Variants in ZFPM2 observed in about 807,000 individuals in gnomAD.
ZFPM2 encodes the protein zinc finger protein ZFPM2.
A neutral mutation model predicts 98.6 loss-of-function variants in ZFPM2; 20 were observed. That is an observed-to-expected ratio of 0.20 (90% CI 0.14 to 0.29). ZFPM2 has a LOEUF of 0.29. Ranked by LOEUF, ZFPM2 falls within the 10% of genes least tolerant of loss-of-function variation. The probability of loss-of-function intolerance (pLI) is 1.00; values close to 1 mark genes in which losing one functional copy is unlikely to be tolerated. For synonymous variants in ZFPM2, 518 were observed against 502.7 expected (o/e 1.03, Z -0.41); for missense variants, 1,310 against 1,388.6 (o/e 0.94, Z 0.90).
intron 4 of ZFPM2, among the ~76,000 whole-genome samples, chr8:105,615,856 A>C (rs1816403704): frequency 6.6e-6 from 1 of 152,150 alleles, no homozygotes; most frequent in African/African-American, 2.4e-5. Flanking sequence ...GTGAATTTCC[A>C]GATCATTTTA....
intron 5 of ZFPM2, among the ~76,000 whole-genome samples, chr8:105,711,875 A>G (rs73700135): frequency 0.059 from 9,037 of 151,960 alleles, 385 homozygotes; most frequent in East Asian, 0.18. Flanking sequence ...AAAAATCAAA[A>G]CTTTTATTAT....
rs147431007 is a variant in ZFPM2 at position 105,525,729 on chromosome 8, G to A, written c.302-35634G>A. On this transcript the variant is annotated intron_variant, in intron 3 of 7. Coordinates refer to ENST00000407775, the MANE Select transcript of ZFPM2 (RefSeq NM_012082.4). ...AACATCCCTCTCAGTTGCTTTAGAT[G>A]TGTTATATAAAATATATGTCCCAGT... Among the ~76,000 whole-genome samples, 216 of 152,282 alleles carry A rather than the reference G, an allele frequency of 1.4e-3. 1 individual carries two copies. Among genetic ancestry groups the A allele is most frequent in the African/African-American group, 4.7e-3 (195 of 41,558 alleles).
intron 5 of ZFPM2, among the ~76,000 whole-genome samples, chr8:105,764,285 C>G (rs1454617540): frequency 1.7e-5 from 2 of 115,642 alleles, no homozygotes; most frequent in East Asian, 4.8e-4. Flanking sequence ...CTCTCTCTCT[C>G]TGACACACAC....
At chr8:105,329,596 C>G (rs541018175) in intron 1 of ZFPM2, among the ~76,000 whole-genome samples, 2 of 151,660 alleles carry the variant, frequency 1.3e-5, no homozygotes. Flanking sequence ...CTTAACCTGG[C>G]CAAATTTAAT....
At chr8:105,728,402 T>C (rs141341245) in intron 5 of ZFPM2, among the ~76,000 whole-genome samples, 82 of 151,912 alleles carry the variant, frequency 5.4e-4, no homozygotes, top group African/African-American at 1.9e-3. Flanking sequence ...TATTCCATGA[T>C]TTCTTTATTT....
At chr8:105,526,990 G>T (rs114104404) in intron 3 of ZFPM2, among the ~76,000 whole-genome samples, 1 of 152,062 alleles carries the variant, frequency 6.6e-6, no homozygotes, top group African/African-American at 2.4e-5. Flanking sequence ...CACCTTCCCA[G>T]TAGTAATAGC....
chr8:105,430,067 C>T (rs1366142147), intron 2 of ZFPM2, among the ~76,000 whole-genome samples: 1 of 152,160 alleles, frequency 6.6e-6, no homozygotes. Context: ...GCTCGTTTGA[C>T]AGGGGTTTCT....
intron 5 of ZFPM2, among the ~76,000 whole-genome samples, chr8:105,727,919 T>C (rs1199845465): frequency 6.8e-6 from 1 of 147,244 alleles, no homozygotes; most frequent in East Asian, 2.0e-4. Flanking sequence ...AGAAGAAACA[T>C]CAAGATGTAA....
At chr8:105,690,628 T>C (rs2130936771) in intron 5 of ZFPM2, among the ~76,000 whole-genome samples, 1 of 152,236 alleles carries the variant, frequency 6.6e-6, no homozygotes, top group South Asian at 2.1e-4. Flanking sequence ...TGGACACCTG[T>C]GGGAGTAGCC....
intron 3 of ZFPM2, among the ~76,000 whole-genome samples, chr8:105,478,379 T>C (rs1763984279): frequency 6.6e-6 from 1 of 152,242 alleles, no homozygotes; most frequent in African/African-American, 2.4e-5. Flanking sequence ...AATGCAAGTT[T>C]CTACTTATCC....
intron 5 of ZFPM2, among the ~76,000 whole-genome samples, chr8:105,655,518 A>C (rs972268311): frequency 1.3e-5 from 2 of 152,174 alleles, no homozygotes; most frequent in African/African-American, 4.8e-5. Context: ...GGCATCAGCC[A>C]CCACCCCCAG....
chr8:105,341,993 C>G (rs1323442203), intron 1 of ZFPM2, among the ~76,000 whole-genome samples: 3 of 152,010 alleles, frequency 2.0e-5, no homozygotes, highest in Non-Finnish European at 4.4e-5. Flanking sequence ...AACCTCTGCT[C>G]AGGGAGAACG....
intron 4 of ZFPM2, among the ~76,000 whole-genome samples, chr8:105,591,462 C>T (rs1373993722): frequency 6.6e-6 from 1 of 152,052 alleles, no homozygotes; most frequent in East Asian, 1.9e-4. Flanking sequence ...ACTGTAAATA[C>T]AGCTTTTAAT....
chr8:105,446,772 A>C (rs978980984), intron 3 of ZFPM2, among the ~76,000 whole-genome samples: 1 of 152,162 alleles, frequency 6.6e-6, no homozygotes, highest in African/African-American at 2.4e-5. Flanking sequence ...TTATAAAATA[A>C]ATAACAATTT....
intron 5 of ZFPM2, among the ~76,000 whole-genome samples, chr8:105,723,760 A>G (rs1403374216): frequency 2.0e-5 from 3 of 151,866 alleles, no homozygotes; most frequent in African/African-American, 7.2e-5. Flanking sequence ...TCTAAAGAGT[A>G]GAGTTAGCCC....
intron 3 of ZFPM2, among the ~76,000 whole-genome samples, chr8:105,531,288 A>G (rs1814291839): frequency 6.6e-6 from 1 of 152,134 alleles, no homozygotes. Context: ...TAGAAGTGTA[A>G]AATCAAGGTT....
intron 2 of ZFPM2, among the ~76,000 whole-genome samples, chr8:105,440,649 G>A (rs1043590020): frequency 6.6e-6 from 1 of 152,170 alleles, no homozygotes; most frequent in African/African-American, 2.4e-5. Context: ...GTAGGAAGCT[G>A]TTAGCACTTC....
intron 1 of ZFPM2, among the ~76,000 whole-genome samples, chr8:105,332,453 A>T (rs1812251087): frequency 6.6e-6 from 1 of 151,732 alleles, no homozygotes; most frequent in Non-Finnish European, 1.5e-5. Context: ...TTCCTGTGAT[A>T]TATTTTTAAA....
chr8:105,383,526 C>A (rs192866754), intron 1 of ZFPM2, among the ~76,000 whole-genome samples: 63 of 152,250 alleles, frequency 4.1e-4, no homozygotes, highest in Admixed American at 9.2e-4. Context: ...CTCAGTCCTA[C>A]TTTTCTCATA....
Sources: allele counts gnomAD v4.1 joint callset (sites outside exome capture counted in the v4.1 genomes callset), GRCh38; gene constraint gnomAD v4.1.1; transcripts MANE v1.5; gene names NCBI Gene and HGNC (gene_info 2026-07-23, HGNC 2026-07-21).